RNASE6: variants seen among roughly 807,000 people sequenced by gnomAD.
RNASE6 encodes ribonuclease A family member 6, also known as ribonuclease K6.
For missense variants in RNASE6, 197 were observed against 181.9 expected (o/e 1.08, Z -0.48); for synonymous variants, 64 against 63.6 (o/e 1.01, Z -0.03).
chr14:20,781,587 G>T, intron 1 of RNASE6, 108 bp from the exon 2 acceptor site: 1 of 796,026 alleles, frequency 1.3e-6, no homozygotes, highest in Non-Finnish European at 1.9e-6. Context: ...AGATTTTAAA[G>T]GGAGCTGTAA....
In RNASE6 at chr14:20,782,401, T is replaced by C. The variant is rs1039335650; in HGVS notation, c.*249T>C. 1.2e-5 allele frequency: 6 copies of C among 497,228 alleles called. No individual in the cohort carries two copies. Among genetic ancestry groups the C allele is most frequent in the African/African-American group, 1.2e-4 (6 of 51,492 alleles). The allele number at this position is 497,228 out of a possible 1,614,324, so 30.8% of individuals were successfully genotyped here. A position where few individuals can be genotyped will look rare whatever the true frequency, so the allele number is the denominator to read the frequency against. The stretch of plus-strand genomic sequence containing the variant: ...AAAGAAAGATTCAGATTTCTAACCC[T>C]GCAACTTTTGCCAAGCTTTATTGCC... On this transcript the variant is annotated 3_prime_UTR_variant, in exon 2 of 2. Coordinates refer to ENST00000304677, the MANE Select transcript of RNASE6 (RefSeq NM_005615.5).
At position 20,781,974 on chromosome 14, in the gene RNASE6, G is replaced by T. The variant is rs1210495237; in HGVS notation, c.275G>T (p.Cys92Phe). ...SIVCKNRRHN[C>F]HQSSKPVNMT... is the part of the protein sequence containing the mutation. ...GTCTGCAAAAATCGTCGGCACAACT[G>T]CCACCAGAGCTCAAAGCCTGTCAAC... is the stretch of plus-strand genomic sequence containing the variant. Residue 92 changes from cysteine (C) to phenylalanine (F), a missense_variant, in exon 2 of 2, where the codon TGC (cysteine) becomes TTC (phenylalanine). Coordinates refer to ENST00000304677, the MANE Select transcript of RNASE6 (RefSeq NM_005615.5). 1 of 1,614,052 alleles carries T rather than the reference G, an allele frequency of 6.2e-7. No individual in the cohort carries two copies. Among genetic ancestry groups the T allele is most frequent in the Non-Finnish European group, 8.5e-7 (1 of 1,180,010 alleles).
intron 1 of RNASE6, among the ~76,000 whole-genome samples, 156 bp downstream of exon 1, chr14:20,781,494 G>C (rs1321954561): frequency 1.3e-5 from 2 of 152,196 alleles, no homozygotes; most frequent in Non-Finnish European, 2.9e-5. Context: ...AAGAAAATGG[G>C]ATATGCCAAT....
intron 1 of RNASE6, 29 bp downstream of exon 1, chr14:20,781,367 G>A (rs775638096): frequency 2.3e-5 from 6 of 265,428 alleles, no homozygotes; most frequent in African/African-American, 6.8e-5. Flanking sequence ...GGGCTGGAGC[G>A]AGTAGAGCAG....
chr14:20,781,965 G>C lies in RNASE6; in HGVS notation c.266G>C (p.Arg89Pro). ...DLLSIVCKNR[R>P]HNCHQSSKPV... is the part of the protein sequence containing the mutation. Reference sequence around the variant, plus strand: ...CTCAGCATTGTCTGCAAAAATCGTCGGCACAACTGCCACCAGAGCTCAAAG... The same window carrying C: ...CTCAGCATTGTCTGCAAAAATCGTCCGCACAACTGCCACCAGAGCTCAAAG... Residue 89 changes from arginine (R) to proline (P), a missense_variant, in exon 2 of 2, where the codon CGG becomes CCG. Coordinates refer to ENST00000304677, the MANE Select transcript of RNASE6 (RefSeq NM_005615.5). The C allele has an allele frequency of 6.2e-7, 1 of 1,613,972 alleles. No individual in the cohort carries two copies. The highest frequency in any genetic ancestry group is 8.5e-7 in the Non-Finnish European group (1 of 1,179,978).
Position 20,782,061 on chromosome 14 carries a change from A to G in RNASE6, c.362A>G (p.Gln121Arg), listed in dbSNP as rs751003089. The G allele has an allele frequency of 6.2e-7, 1 of 1,614,168 alleles. No individual in the cohort carries two copies. The highest frequency in any genetic ancestry group is 8.5e-7 in the Non-Finnish European group (1 of 1,180,032). ...CAGTGCCGCTATAGTGCTGCTGCCCAGTACAAATTCTTCATTGTTGCCTGT... is the reference window on the plus strand; with the variant it reads ...CAGTGCCGCTATAGTGCTGCTGCCCGGTACAAATTCTTCATTGTTGCCTGT... Reference protein sequence around the residue: ...YPQCRYSAAAQYKFFIVACDP... With the variant: ...YPQCRYSAAARYKFFIVACDP... Residue 121 changes from glutamine (Q) to arginine (R), a missense_variant, in exon 2 of 2, where the codon CAG becomes CGG. Transcript: ENST00000304677.
Position 20,781,918 on chromosome 14 carries a change from T to C in RNASE6, c.219T>C (p.Asn73=), listed in dbSNP as rs1045917. 15 of 1,614,130 alleles carry C rather than the reference T, an allele frequency of 9.3e-6. No homozygotes were observed. In the African/African-American group the frequency reaches 1.1e-4, roughly 11 times the overall value. ...QNTFLHDSFQ[N]VAAVCDLLSI... is the part of the protein sequence containing the mutation. ...CCTTTCTGCATGACTCTTTCCAGAATGTGGCTGCTGTCTGTGATTTGCTCA... is the reference window on the plus strand; with the variant it reads ...CCTTTCTGCATGACTCTTTCCAGAACGTGGCTGCTGTCTGTGATTTGCTCA... The change falls in exon 2 of 2, where the codon AAT becomes AAC. Residue 73 remains asparagine, a synonymous_variant. Transcript: ENST00000304677.
intron 1 of RNASE6, 72 bp downstream of exon 1, chr14:20,781,410 G>A: frequency 5.4e-6 from 2 of 369,870 alleles, no homozygotes; most frequent in Non-Finnish European, 9.8e-6. Context: ...GTCAGATAGA[G>A]GGTAAATATT....
In RNASE6 at chr14:20,782,208, G is replaced by A. The variant is rs1051326196; in HGVS notation, c.*56G>A. On this transcript the variant is annotated 3_prime_UTR_variant, in exon 2 of 2. Transcript: ENST00000304677. ...TAGCTTCTGTTACAATTGCATCCAT[G>A]TTTTCTTTTCTTTTGTTGATTTTCT... is the stretch of plus-strand genomic sequence containing the variant. 19 of 1,423,940 alleles carry A rather than the reference G, an allele frequency of 1.3e-5. No individual in the cohort carries two copies. In the East Asian group the frequency reaches 2.5e-4, roughly 19 times the overall value. 88.2% of individuals were successfully genotyped at this position (1,423,940 alleles called of 1,614,324 possible).
At chr14:20,781,406 T>C (rs1594258471) in intron 1 of RNASE6, 68 bp downstream of exon 1, 1 of 349,306 alleles carries the variant, frequency 2.9e-6, no homozygotes, top group Non-Finnish European at 5.2e-6. Context: ...AGTGGTCAGA[T>C]AGAGGGTAAA....
chr14:20,781,751 G>C lies in RNASE6; in HGVS notation c.52G>C (p.Val18Leu). 6.2e-7 allele frequency: 1 copy of C among 1,614,132 alleles called. No individual in the cohort carries two copies. Among genetic ancestry groups the C allele is most frequent in the Non-Finnish European group, 8.5e-7 (1 of 1,179,980 alleles). ...LLLLLVLWGP[V>L]CPLHAWPKRL... ...ACTGCTGCTGGTTCTATGGGGACCAGTGTGTCCACTTCATGCTTGGCCTAA... is the reference window on the plus strand; with the variant it reads ...ACTGCTGCTGGTTCTATGGGGACCACTGTGTCCACTTCATGCTTGGCCTAA... The change falls in exon 2 of 2, where the codon GTG (valine) becomes CTG (leucine). Residue 18 changes from valine to leucine, a missense_variant. Transcript: ENST00000304677.
At position 20,781,979 on chromosome 14, in the gene RNASE6, C is replaced by A. The variant is rs889816654; in HGVS notation, c.280C>A (p.Gln94Lys). 1.2e-6 allele frequency: 2 copies of A among 1,614,028 alleles called. No individual in the cohort carries two copies. Among genetic ancestry groups the A allele is most frequent in the African/African-American group, 2.7e-5 (2 of 74,884 alleles). The change falls in exon 2 of 2, where the codon CAG becomes AAG. Residue 94 changes from glutamine (Q) to lysine (K), a missense_variant. Physicochemically the swap from Gln to Lys is moderately conservative, Grantham distance 53. Transcript: ENST00000304677. ...VCKNRRHNCHQSSKPVNMTDC... is the reference protein window; with the variant it reads ...VCKNRRHNCHKSSKPVNMTDC... ...CAAAAATCGTCGGCACAACTGCCAC[C>A]AGAGCTCAAAGCCTGTCAACATGAC...
At position 20,782,235 on chromosome 14, in the gene RNASE6, G is replaced by A. The variant is rs1878682036; in HGVS notation, c.*83G>A. ...TTTCTTTTCTTTTGTTGATTTTCTTGTTCCCGTAGAAGAAAGAAGAAAGGT... is the reference window on the plus strand; with the variant it reads ...TTTCTTTTCTTTTGTTGATTTTCTTATTCCCGTAGAAGAAAGAAGAAAGGT... On this transcript the variant is annotated 3_prime_UTR_variant, in exon 2 of 2. Transcript: ENST00000304677. 3.7e-6 allele frequency: 5 copies of A among 1,354,558 alleles called. No individual in the cohort carries two copies. In the East Asian group the frequency reaches 9.2e-5, roughly 25 times the overall value. The allele number at this position is 1,354,558 out of a possible 1,614,324, so 83.9% of individuals were successfully genotyped here. A position where few individuals can be genotyped will look rare whatever the true frequency, so the allele number is the denominator to read the frequency against.
chr14:20,782,345 C>T lies in RNASE6; in HGVS notation c.*193C>T. The T allele has an allele frequency of 1.7e-6, 1 of 602,186 alleles. No individual in the cohort carries two copies. Among genetic ancestry groups the T allele is most frequent in the Non-Finnish European group, 2.9e-6 (1 of 343,120 alleles). 37.3% of individuals were successfully genotyped at this position (602,186 alleles called of 1,614,324 possible). A position where few individuals can be genotyped will look rare whatever the true frequency, so the allele number is the denominator to read the frequency against. On this transcript the variant is annotated 3_prime_UTR_variant, in exon 2 of 2. Coordinates refer to ENST00000304677, the MANE Select transcript of RNASE6 (RefSeq NM_005615.5). The stretch of plus-strand genomic sequence containing the variant: ...TTATTTTCTGCTTTGTAGTTCTGTA[C>T]TTTTCGAGAGAAGGGAATAGGGAAG...
rs116026454 is a variant in RNASE6 at position 20,781,707 on chromosome 14, T to A, written c.8T>A (p.Leu3Gln). 6.2e-7 allele frequency: 1 copy of A among 1,605,410 alleles called. No individual in the cohort carries two copies. The highest frequency in any genetic ancestry group is 8.5e-7 in the Non-Finnish European group (1 of 1,175,500). ...TCTTTCTACACAGAAAAGATGGTGCTATGCTTTCCTCTTCTTTTACTGCTG... is the reference window on the plus strand; with the variant it reads ...TCTTTCTACACAGAAAAGATGGTGCAATGCTTTCCTCTTCTTTTACTGCTG... MV[L>Q]CFPLLLLLLV... Residue 3 changes from leucine to glutamine, a missense_variant, in exon 2 of 2, where the codon CTA becomes CAA. Leu to Gln is a moderately radical substitution (Grantham distance 113). Transcript: ENST00000304677.
Position 20,782,073 on chromosome 14 carries a change from T to C in RNASE6, c.374T>C (p.Phe125Ser), listed in dbSNP as rs1197855181. ...AGTGCTGCTGCCCAGTACAAATTCT[T>C]CATTGTTGCCTGTGACCCCCCTCAG... ...RYSAAAQYKF[F>S]IVACDPPQKS... The change falls in exon 2 of 2, where the codon TTC becomes TCC. Residue 125 changes from phenylalanine to serine, a missense_variant. Transcript: ENST00000304677. 1 of 1,614,046 alleles carries C rather than the reference T, an allele frequency of 6.2e-7. No homozygotes were observed. Among genetic ancestry groups the C allele is most frequent in the Non-Finnish European group, 8.5e-7 (1 of 1,180,020 alleles).
Position 20,782,388 on chromosome 14 carries a change from A to C in RNASE6, c.*236A>C. The C allele has an allele frequency of 3.8e-6, 2 of 532,298 alleles. No individual in the cohort carries two copies. Among genetic ancestry groups the C allele is most frequent in the East Asian group, 3.2e-5 (1 of 30,902 alleles). 33.0% of individuals were successfully genotyped at this position (532,298 alleles called of 1,614,324 possible). On this transcript the variant is annotated 3_prime_UTR_variant, in exon 2 of 2. Coordinates refer to ENST00000304677, the MANE Select transcript of RNASE6 (RefSeq NM_005615.5). ...TAGGGAAGACAGCAAAGAAAGATTCAGATTTCTAACCCTGCAACTTTTGCC... is the reference window on the plus strand; with the variant it reads ...TAGGGAAGACAGCAAAGAAAGATTCCGATTTCTAACCCTGCAACTTTTGCC...
At position 20,781,998 on chromosome 14, in the gene RNASE6, A is replaced by G. The variant is rs746341662; in HGVS notation, c.299A>G (p.Asn100Ser). The G allele has an allele frequency of 1.9e-6, 3 of 1,614,234 alleles. No individual in the cohort carries two copies. Among genetic ancestry groups the G allele is most frequent in the Non-Finnish European group, 1.7e-6 (2 of 1,180,038 alleles). ...TGCCACCAGAGCTCAAAGCCTGTCA[A>G]CATGACTGACTGCAGACTCACTTCA... ...HNCHQSSKPV[N>S]MTDCRLTSGK... The change falls in exon 2 of 2, where the codon AAC becomes AGC. Residue 100 changes from asparagine to serine, a missense_variant. By Grantham distance (46) the Asn-to-Ser change is conservative. Transcript: ENST00000304677.
rs1004589072 is a variant in RNASE6 at position 20,782,453 on chromosome 14, C to T, written c.*301C>T. On this transcript the variant is annotated 3_prime_UTR_variant, in exon 2 of 2. Transcript: ENST00000304677. ...TGTGTTCACAGCAATAAAACCACTT[C>T]CTGCTGCATTCTAATGAGTGTGTGT... 1 of 340,558 alleles carries T rather than the reference C, an allele frequency of 2.9e-6. No individual in the cohort carries two copies. The highest frequency in any genetic ancestry group is 2.1e-5 in the African/African-American group (1 of 47,172). 21.1% of individuals were successfully genotyped at this position (340,558 alleles called of 1,614,324 possible). A position where few individuals can be genotyped will look rare whatever the true frequency, so the allele number is the denominator to read the frequency against.
Sources: gnomAD v4.1 joint callset for allele counts (sites outside exome capture counted in the v4.1 genomes callset) on GRCh38, gnomAD v4.1.1 for gene constraint, MANE v1.5 for transcripts, NCBI Gene and HGNC (gene_info 2026-07-23, HGNC 2026-07-21) for gene names.